The following USP47 variants were observed in gnomAD, a reference collection of about 807,000 sequenced individuals.
USP47 encodes the protein ubiquitin specific peptidase 47.
In USP47, 35 loss-of-function variants were observed where a neutral mutation model predicts 165.1. The ratio of observed to expected loss-of-function variants is 0.21; its 90% CI spans 0.16 to 0.28. The LOEUF is 0.28. USP47 is among the 10% of genes least tolerant of loss of function. The probability of loss-of-function intolerance (pLI) is 1.00; values close to 1 mark genes in which losing one functional copy is unlikely to be tolerated. For synonymous variants in USP47, 531 were observed against 544.5 expected (o/e 0.98, Z 0.35); for missense variants, 1,277 against 1,607.4 (o/e 0.79, Z 3.52).
At chr11:11,891,868 T>C in intron 3 of USP47, 100 bp from the exon 4 acceptor site, 1 of 1,428,888 alleles carries the variant, frequency 7.0e-7, no homozygotes, top group African/African-American at 1.4e-5. Flanking sequence ...CAGAGTGTTT[T>C]GTATCAGGCA....
chr11:11,861,669 T>C (rs1045672200), intron 1 of USP47, among the ~76,000 whole-genome samples: 6 of 152,176 alleles, frequency 3.9e-5, no homozygotes, highest in Middle Eastern at 3.2e-3. Context: ...TTCATGACTG[T>C]TTTAGAATAA....
In USP47 at chr11:11,942,709, C is replaced by A. The variant is rs746258213; in HGVS notation, c.2688C>A (p.Asp896Glu). The A allele has an allele frequency of 6.2e-7, 1 of 1,613,658 alleles. No individual in the cohort carries two copies. Among genetic ancestry groups the A allele is most frequent in the East Asian group, 2.2e-5 (1 of 44,874 alleles). The part of the protein sequence containing the change: ...ENIESPLNER[D>E]SSASVDNREL... Reference sequence around the variant, plus strand: ...TCGAATCACCTCTCAATGAGAGGGACTCTTCAGCATCAGTGGATAATAGAG... The same window carrying A: ...TCGAATCACCTCTCAATGAGAGGGAATCTTCAGCATCAGTGGATAATAGAG... The change falls in exon 20 of 28, where the codon GAC becomes GAA. Residue 896 changes from aspartate (D) to glutamate (E), a missense_variant. Transcript: ENST00000527733.
intron 8 of USP47, among the ~76,000 whole-genome samples, chr11:11,911,372 C>A (rs965400155): frequency 6.6e-6 from 1 of 151,966 alleles, no homozygotes; most frequent in Non-Finnish European, 1.5e-5. Flanking sequence ...TGAAAATGTT[C>A]CAAATTTAGC....
At chr11:11,907,725 AT>A (rs1428982868) in intron 8 of USP47, among the ~76,000 whole-genome samples, 1 of 152,192 alleles carries the variant, frequency 6.6e-6, no homozygotes, top group Non-Finnish European at 1.5e-5. Flanking sequence ...ATTGGCCTGA[AT>A]TTTAACTGGA....
chr11:11,954,464 T>A (rs1856433220), intron 25 of USP47, among the ~76,000 whole-genome samples: 5 of 151,916 alleles, frequency 3.3e-5, no homozygotes, highest in African/African-American at 1.2e-4. Flanking sequence ...TGAGACGGGG[T>A]TTCACCATGT....
chr11:11,859,888 G>A (rs111654806), intron 1 of USP47, among the ~76,000 whole-genome samples: 19,412 of 151,978 alleles, frequency 0.13, 1,586 homozygotes, highest in Middle Eastern at 0.38. Flanking sequence ...CGAATCATTT[G>A]AGGTCAGGAG....
intron 20 of USP47, chr11:11,943,328 A>C (rs1294166672): frequency 5.2e-6 from 2 of 381,878 alleles, no homozygotes; most frequent in African/African-American, 2.0e-5. Context: ...AGAAGTAAAA[A>C]AAAATAGTAT....
chr11:11,911,641 CAA>C (rs1445698494), intron 8 of USP47, among the ~76,000 whole-genome samples: 1 of 152,034 alleles, frequency 6.6e-6, no homozygotes, highest in Non-Finnish European at 1.5e-5. Context: ...AGGAAAAAGA[CAA>C]ATCTACAATT....
rs756671343 is a variant in USP47, at chr11:11,920,141, T to A, written c.970-15T>A. On this transcript the variant is annotated splice_polypyrimidine_tract_variant and intron_variant, in intron 8 of 27. Coordinates refer to ENST00000527733, the MANE Select transcript of USP47 (RefSeq NM_001282659.2). ...ATATTTTAAGTAATTATAAAACAAATTTTTTTCTAACTAGGAAGAAGCATT... is the reference window on the plus strand; with the variant it reads ...ATATTTTAAGTAATTATAAAACAAAATTTTTTCTAACTAGGAAGAAGCATT... The A allele has an allele frequency of 6.5e-7, 1 of 1,547,472 alleles. No homozygotes were observed. Among genetic ancestry groups the A allele is most frequent in the South Asian group, 1.3e-5 (1 of 77,054 alleles).
At chr11:11,873,719 G>A (rs1244728321) in intron 1 of USP47, 2 of 774,696 alleles carry the variant, frequency 2.6e-6, no homozygotes, top group Admixed American at 4.0e-5. Flanking sequence ...ATGTTTTTAG[G>A]TTAATTGTTC....
At chr11:11,935,833 A>T (rs971795477) in intron 16 of USP47, among the ~76,000 whole-genome samples, 3 of 151,938 alleles carry the variant, frequency 2.0e-5, no homozygotes, top group Non-Finnish European at 2.9e-5. Context: ...ACCCTTTGTG[A>T]TGGCTTTATG....
In USP47 at chr11:11,949,903, G is replaced by C; in HGVS notation, c.3363G>C (p.Leu1121=). Reference sequence around the variant, plus strand: ...TATATTTCTAGCCATGCAAGTTTCTGCTAGATGCTGTGTTTGCTAAAGGAA... The same window carrying C: ...TATATTTCTAGCCATGCAAGTTTCTCCTAGATGCTGTGTTTGCTAAAGGAA... ...LVNEQEPCKF[L]LDAVFAKGMT... is the part of the protein sequence containing the mutation. Residue 1121 remains leucine, a synonymous_variant, in exon 23 of 28, where the codon CTG becomes CTC. Transcript: ENST00000527733. 1 of 1,611,616 alleles carries C rather than the reference G, an allele frequency of 6.2e-7. No individual in the cohort carries two copies. Among genetic ancestry groups the C allele is most frequent in the Non-Finnish European group, 8.5e-7 (1 of 1,178,650 alleles).
intron 1 of USP47, among the ~76,000 whole-genome samples, chr11:11,844,679 A>C (rs573047010): frequency 1.8e-4 from 28 of 152,292 alleles, no homozygotes; most frequent in African/African-American, 6.5e-4. Flanking sequence ...CAAATTAAAA[A>C]ATTTCATGCA....
chr11:11,924,480 G>C (rs753415538), intron 11 of USP47, among the ~76,000 whole-genome samples: 2 of 152,168 alleles, frequency 1.3e-5, no homozygotes, highest in African/African-American at 2.4e-5. Flanking sequence ...CATGTAATAA[G>C]TTAGGGAATG....
intron 1 of USP47, among the ~76,000 whole-genome samples, chr11:11,877,279 A>G (rs1325915202): frequency 6.6e-6 from 1 of 152,220 alleles, no homozygotes; most frequent in Non-Finnish European, 1.5e-5. Flanking sequence ...TAGTGTGATT[A>G]CTGTTAGCAA....
At chr11:11,953,674 TTAA>T in intron 25 of USP47, among the ~76,000 whole-genome samples, 1 of 152,234 alleles carries the variant, frequency 6.6e-6, no homozygotes, top group South Asian at 2.1e-4. Flanking sequence ...AGCTACTACC[TTAA>T]TAAGAAAAAG....
chr11:11,935,581 C>T (rs1855000265), intron 16 of USP47, among the ~76,000 whole-genome samples: 1 of 151,830 alleles, frequency 6.6e-6, no homozygotes, highest in Non-Finnish European at 1.5e-5. Flanking sequence ...TGGGGATACG[C>T]TGAGGCTTAC....
At chr11:11,920,931 A>G (rs1853790859) in intron 10 of USP47, among the ~76,000 whole-genome samples, 1 of 149,890 alleles carries the variant, frequency 6.7e-6, no homozygotes, top group East Asian at 1.9e-4. Context: ...AATTTCTTGT[A>G]CTTACCTACT....
intron 1 of USP47, among the ~76,000 whole-genome samples, chr11:11,857,160 C>A (rs1386467627): frequency 1.7e-5 from 1 of 60,304 alleles, no homozygotes; most frequent in Admixed American, 1.5e-4. Context: ...TTGTATAACT[C>A]ATCTCCAAAA....
Sources: gnomAD v4.1 joint callset for allele counts (sites outside exome capture counted in the v4.1 genomes callset) on GRCh38, gnomAD v4.1.1 for gene constraint, MANE v1.5 for transcripts, NCBI Gene and HGNC (gene_info 2026-07-23, HGNC 2026-07-21) for gene names.